The following HEMK1 variants were observed in gnomAD, a reference collection of about 807,000 sequenced individuals.
HEMK1 encodes the protein MTRF1L release factor glutamine methyltransferase.
A neutral mutation model predicts 47.9 loss-of-function variants in HEMK1; 36 were observed. The observed-to-expected ratio is 0.75, with a 90% CI of 0.58 to 0.99. The LOEUF is 0.99. Among genes scored for constraint, HEMK1 ranks in the 50% least tolerant of loss-of-function variants. HEMK1 has a pLI of 0.00. For missense variants in HEMK1, 383 were observed against 434.5 expected (o/e 0.88, Z 1.05); for synonymous variants, 153 against 165.4 (o/e 0.93, Z 0.57).
At position 50,593,388 on chromosome 3, in the gene HEMK1, A is replaced by G. The variant is rs1361135946; in HGVS notation, c.*12971A>G. ...GGCCCCGGAGAAGATTTGGTGGGCT[A>G]AGGGTGGGCAGGAGAATACAACTCA... On this transcript the variant is annotated 3_prime_UTR_variant, in exon 11 of 11. Transcript: ENST00000232854. 6 of 152,134 alleles carry G rather than the reference A, an allele frequency of 3.9e-5. No homozygotes were observed. The highest frequency in any genetic ancestry group is 8.8e-5 in the Non-Finnish European group (6 of 68,036). 9.4% of individuals were successfully genotyped at this position (152,134 alleles called of 1,614,324 possible).
intron 8 of HEMK1, 61 bp from the exon 9 acceptor site, chr3:50,579,783 C>A: frequency 8.0e-7 from 1 of 1,251,072 alleles, no homozygotes; most frequent in Non-Finnish European, 1.2e-6. Context: ...TTGCCCATGC[C>A]CTCCATGCAT....
Position 50,593,004 on chromosome 3 carries a change from T to TGTAGTTGAAATACAACGA in HEMK1, c.*12587_*12588insGTAGTTGAAATACAACGA, listed in dbSNP as rs2031802498. On this transcript the variant is annotated 3_prime_UTR_variant, in exon 11 of 11. Coordinates refer to ENST00000232854, the MANE Select transcript of HEMK1 (RefSeq NM_016173.5). ...CAAATTGTAGAGGAGCCTCAGGTCT[T>TGTAGTTGAAATACAACGA]TGGGGTGTTGCCCCTCCACTACATG... is the stretch of plus-strand genomic sequence containing the variant. The TGTAGTTGAAATACAACGA allele has an allele frequency of 1.3e-5, 2 of 152,254 alleles. No individual in the cohort carries two copies. The highest frequency in any genetic ancestry group is 2.9e-5 in the Non-Finnish European group (2 of 68,082). The allele number at this position is 152,254 out of a possible 1,614,324, so 9.4% of individuals were successfully genotyped here.
chr3:50,588,263 G>A lies in HEMK1; in HGVS notation c.*7846G>A, dbSNP rs1405608089. 6.6e-6 allele frequency: 1 copy of A among 152,232 alleles called. No homozygotes were observed. The highest frequency in any genetic ancestry group is 2.4e-5 in the African/African-American group (1 of 41,438). 9.4% of individuals were successfully genotyped at this position (152,232 alleles called of 1,614,324 possible). On this transcript the variant is annotated 3_prime_UTR_variant, in exon 11 of 11. Coordinates refer to ENST00000232854, the MANE Select transcript of HEMK1 (RefSeq NM_016173.5). ...ACACGTGGTCATAAATCCATCTGTT[G>A]GCACATCAGGGATCCCTTCCTTGGC...
chr3:50,588,809 G>A lies in HEMK1; in HGVS notation c.*8392G>A, dbSNP rs1179321874. On this transcript the variant is annotated 3_prime_UTR_variant, in exon 11 of 11. Coordinates refer to ENST00000232854, the MANE Select transcript of HEMK1 (RefSeq NM_016173.5). Reference sequence around the variant, plus strand: ...CAGGTCCCTAGGCCTGTGAGGTTCTGGGATGAGGCACCAGATGGATGTGTC... The same window carrying A: ...CAGGTCCCTAGGCCTGTGAGGTTCTAGGATGAGGCACCAGATGGATGTGTC... 6.6e-6 allele frequency: 1 copy of A among 152,196 alleles called. No homozygotes were observed. Among genetic ancestry groups the A allele is most frequent in the Non-Finnish European group, 1.5e-5 (1 of 68,054 alleles). The allele number at this position is 152,196 out of a possible 1,614,324, so 9.4% of individuals were successfully genotyped here.
At chr3:50,577,419 G>C in intron 5 of HEMK1, 90 bp from the exon 6 acceptor site, 8 of 1,292,758 alleles carry the variant, frequency 6.2e-6, no homozygotes, top group Non-Finnish European at 7.9e-6. Flanking sequence ...CTCTTCTGGT[G>C]GGGGGTTGGA....
rs550054597 is a variant in HEMK1, at chr3:50,570,995, A to T, written c.-110A>T. 3.7e-5 allele frequency: 29 copies of T among 778,176 alleles called. No homozygotes were observed. In the Admixed American group the frequency reaches 6.6e-4, roughly 18 times the overall value. The allele number at this position is 778,176 out of a possible 1,614,324, so 48.2% of individuals were successfully genotyped here. ...GGGCACCAGAGCTTGTGACCTCTCC[A>T]TCTCCACCCAGCTGGGTCCAGGGGC... On this transcript the variant is annotated 5_prime_UTR_variant, in exon 2 of 11. Coordinates refer to ENST00000232854, the MANE Select transcript of HEMK1 (RefSeq NM_016173.5).
rs1559473092 is a variant in HEMK1, at chr3:50,590,500, G to A, written c.*10083G>A. 6.6e-6 allele frequency: 1 copy of A among 152,084 alleles called. No individual in the cohort carries two copies. The highest frequency in any genetic ancestry group is 1.9e-4 in the East Asian group (1 of 5,186). 9.4% of individuals were successfully genotyped at this position (152,084 alleles called of 1,614,324 possible). On this transcript the variant is annotated 3_prime_UTR_variant, in exon 11 of 11. Coordinates refer to ENST00000232854, the MANE Select transcript of HEMK1 (RefSeq NM_016173.5). ...GAACCCGGAAGGCGGAGGTTGCAGTGAGCTGAGATCACCTCACTACCCTCT... is the reference window on the plus strand; with the variant it reads ...GAACCCGGAAGGCGGAGGTTGCAGTAAGCTGAGATCACCTCACTACCCTCT...
intron 4 of HEMK1, 85 bp downstream of exon 4, chr3:50,572,293 C>A: frequency 6.6e-7 from 1 of 1,505,636 alleles, no homozygotes; most frequent in Non-Finnish European, 9.0e-7. Flanking sequence ...CTCCAGGGGG[C>A]ACTGGGGCCC....
At chr3:50,571,471 A>G (rs2107377241) in intron 2 of HEMK1, 139 bp downstream of exon 2, 2 of 687,652 alleles carry the variant, frequency 2.9e-6, no homozygotes, top group South Asian at 3.7e-5. Context: ...AGCGCCTGGC[A>G]CACACTGTAA....
In HEMK1 at chr3:50,577,777, A is replaced by G. The variant is rs2029944438; in HGVS notation, c.615-49A>G. 3.2e-6 allele frequency: 5 copies of G among 1,581,188 alleles called. No homozygotes were observed. The South Asian group carries it at 4.4e-5, about 14-fold the overall frequency. ...CTATAAGACCTCATTCTTGTAGTGA[A>G]GGGTAGGGGTCTGCCCCCGTGCCTA... On this transcript the variant is annotated intron_variant, in intron 6 of 10. Coordinates refer to ENST00000232854, the MANE Select transcript of HEMK1 (RefSeq NM_016173.5).
intron 4 of HEMK1, among the ~76,000 whole-genome samples, chr3:50,574,154 TCCCGCATGCGTCTGTG>T (rs1175377494): frequency 6.6e-6 from 1 of 152,166 alleles, no homozygotes; most frequent in Non-Finnish European, 1.5e-5. Context: ...CTCACCTCTT[TCCCGCATGCGTCTGTG>T]CCCCACCCTG....
chr3:50,575,144 C>T (rs1333385452), intron 4 of HEMK1, among the ~76,000 whole-genome samples: 1 of 152,024 alleles, frequency 6.6e-6, no homozygotes, highest in Non-Finnish European at 1.5e-5. Flanking sequence ...CCAAGAGGGC[C>T]AGGCGCTGTG....
Position 50,569,525 on chromosome 3 carries a change from T to G in HEMK1, c.-224T>G, listed in dbSNP as rs1048557782. 6.7e-6 allele frequency: 1 copy of G among 148,222 alleles called. No homozygotes were observed. The highest frequency in any genetic ancestry group is 2.4e-5 in the African/African-American group (1 of 41,326). The allele number at this position is 148,222 out of a possible 1,614,324, so 9.2% of individuals were successfully genotyped here. ...GGCCACGCACGTCCGGGCGTCCAGT[T>G]CGGGGCAGCTTCTCCGGCTGGTGGG... On this transcript the variant is annotated 5_prime_UTR_variant, in exon 1 of 11. Coordinates refer to ENST00000232854, the MANE Select transcript of HEMK1 (RefSeq NM_016173.5).
At chr3:50,572,335 T>TGTA in intron 4 of HEMK1, 127 bp downstream of exon 4, 1 of 911,436 alleles carries the variant, frequency 1.1e-6, no homozygotes, top group Admixed American at 2.3e-5. Context: ...TTTCTAGACA[T>TGTA]GTATTTCCTC....
rs780846135 is a variant in HEMK1 at position 50,578,118 on chromosome 3, A to G, written c.664+243A>G. Among the ~76,000 whole-genome samples, 10 of 152,342 alleles carry G rather than the reference A, an allele frequency of 6.6e-5. No individual in the cohort carries two copies. In the Middle Eastern group the frequency reaches 0.014, roughly 207 times the overall value. On this transcript the variant is annotated intron_variant, in intron 7 of 10. Coordinates refer to ENST00000232854, the MANE Select transcript of HEMK1 (RefSeq NM_016173.5). ...ACCCATAAGGGACCAGCCACAGAGA[A>G]CTTCCGAATTCCTCACAACCAATGA...
At position 50,594,292 on chromosome 3, in the gene HEMK1, A is replaced by T. The variant is rs1222344952; in HGVS notation, c.*13875A>T. 1 of 151,782 alleles carries T rather than the reference A, an allele frequency of 6.6e-6. No homozygotes were observed. Among genetic ancestry groups the T allele is most frequent in the Admixed American group, 6.6e-5 (1 of 15,248 alleles). The allele number at this position is 151,782 out of a possible 1,614,324, so 9.4% of individuals were successfully genotyped here. On this transcript the variant is annotated 3_prime_UTR_variant, in exon 11 of 11. Transcript: ENST00000232854. The stretch of plus-strand genomic sequence containing the variant: ...TTAGAGGCTTTTTTTTTCATCTTTC[A>T]TTCATGCAACAGACCTTCAGTGAGC...
At chr3:50,572,285 C>A in intron 4 of HEMK1, 77 bp downstream of exon 4, 1 of 1,537,454 alleles carries the variant, frequency 6.5e-7, no homozygotes, top group East Asian at 2.4e-5. Flanking sequence ...CAGGCTTCCT[C>A]CAGGGGGCAC....
intron 4 of HEMK1, among the ~76,000 whole-genome samples, chr3:50,574,180 G>T (rs1231991518): frequency 6.6e-6 from 1 of 152,200 alleles, no homozygotes; most frequent in Non-Finnish European, 1.5e-5. Context: ...GCCCCACCCT[G>T]TTCTTGGATT....
intron 4 of HEMK1, among the ~76,000 whole-genome samples, chr3:50,573,760 A>T (rs1701275271): frequency 6.6e-6 from 1 of 152,162 alleles, no homozygotes; most frequent in South Asian, 2.1e-4. Context: ...GGTGCAGGGG[A>T]TGGTTTCTGA....
Sources: allele counts gnomAD v4.1 joint callset (sites outside exome capture counted in the v4.1 genomes callset), GRCh38; gene constraint gnomAD v4.1.1; transcripts MANE v1.5; gene names NCBI Gene and HGNC (gene_info 2026-07-23, HGNC 2026-07-21).